The following SORCS3 variants were observed in gnomAD, a reference collection of about 807,000 sequenced individuals.
SORCS3 encodes VPS10 domain-containing receptor SorCS3.
Under a neutral mutation model 146.3 loss-of-function variants are expected in SORCS3, and 57 were observed. The observed-to-expected ratio is 0.39, with a 90% CI of 0.31 to 0.49. The LOEUF is 0.49. Among genes scored for constraint, SORCS3 ranks in the 20% least tolerant of loss-of-function variants. The pLI is 0.92. For missense variants in SORCS3, 1,341 were observed against 1,575.5 expected (o/e 0.85, Z 2.52); for synonymous variants, 653 against 618.5 (o/e 1.06, Z -0.83).
intron 7 of SORCS3, among the ~76,000 whole-genome samples, chr10:105,112,492 C>T (rs2055865020): frequency 6.6e-6 from 1 of 152,140 alleles, no homozygotes; most frequent in Admixed American, 6.6e-5. Context: ...AGAAAACCCA[C>T]AGACCAACAG....
At chr10:105,087,336 A>C (rs1302269032) in intron 5 of SORCS3, among the ~76,000 whole-genome samples, 1 of 152,190 alleles carries the variant, frequency 6.6e-6, no homozygotes, top group Non-Finnish European at 1.5e-5. Context: ...GTAGCCTTGT[A>C]GTATGGTTTG....
intron 5 of SORCS3, among the ~76,000 whole-genome samples, chr10:105,062,307 C>A (rs1012056903): frequency 1.3e-5 from 2 of 152,154 alleles, no homozygotes; most frequent in Admixed American, 1.3e-4. Flanking sequence ...GTTTAAACTG[C>A]TAATTAGCTG....
At chr10:105,119,406 G>A (rs1355930933) in intron 7 of SORCS3, among the ~76,000 whole-genome samples, 1 of 152,174 alleles carries the variant, frequency 6.6e-6, no homozygotes, top group Admixed American at 6.5e-5. Context: ...TGGGGTGCGA[G>A]CCTCCACATA....
chr10:105,077,268 C>T lies in SORCS3; in HGVS notation c.1029-12507C>T, dbSNP rs562290175. Reference sequence around the variant, plus strand: ...AGATGCACTCTAATATTTTCTATTCCAGTCTCTTCTATTTTATGAAACATT... The same window carrying T: ...AGATGCACTCTAATATTTTCTATTCTAGTCTCTTCTATTTTATGAAACATT... On this transcript the variant is annotated intron_variant, in intron 5 of 26. Transcript: ENST00000369701. Among the ~76,000 whole-genome samples the T allele has an allele frequency of 3.3e-5, 5 of 152,154 alleles. No individual in the cohort carries two copies. In the South Asian group the frequency reaches 6.2e-4, roughly 19 times the overall value.
chr10:104,803,601 C>T (rs1039568638), intron 1 of SORCS3, among the ~76,000 whole-genome samples: 2 of 152,138 alleles, frequency 1.3e-5, no homozygotes, highest in Admixed American at 6.6e-5. Flanking sequence ...TTCTATAATC[C>T]TGTGTGTTGC....
chr10:104,956,037 G>A (rs1006339136), intron 3 of SORCS3, among the ~76,000 whole-genome samples: 28 of 152,090 alleles, frequency 1.8e-4, no homozygotes, highest in African/African-American at 5.6e-4. Flanking sequence ...TAGGATTTAC[G>A]GGTATGGAGT....
chr10:104,749,229 GT>G (rs1564674746), intron 1 of SORCS3, among the ~76,000 whole-genome samples: 28 of 62,110 alleles, frequency 4.5e-4, no homozygotes, highest in African/African-American at 2.5e-3. Flanking sequence ...AGTATAGGGT[GT>G]GTGTGTGTGT....
chr10:104,784,285 A>T (rs1183782511), intron 1 of SORCS3, among the ~76,000 whole-genome samples: 1 of 152,074 alleles, frequency 6.6e-6, no homozygotes, highest in Non-Finnish European at 1.5e-5. Flanking sequence ...GTGGGGTGGG[A>T]GGGTGCTCCT....
chr10:104,681,884 G>A (rs188633411), intron 1 of SORCS3, among the ~76,000 whole-genome samples: 2 of 152,262 alleles, frequency 1.3e-5, no homozygotes, highest in East Asian at 3.9e-4. Context: ...TGGCCACCCA[G>A]TCTAATACTA....
chr10:105,044,035 C>T (rs1247240220), intron 5 of SORCS3, among the ~76,000 whole-genome samples: 1 of 151,846 alleles, frequency 6.6e-6, no homozygotes. Flanking sequence ...AAGAGGCATA[C>T]ACCAAAGTAT....
intron 1 of SORCS3, among the ~76,000 whole-genome samples, chr10:104,774,605 AAGAT>A (rs940523866): frequency 2.0e-5 from 3 of 152,228 alleles, no homozygotes; most frequent in Non-Finnish European, 2.9e-5. Context: ...CCTGACAAGA[AAGAT>A]AGATTTGACC....
intron 20 of SORCS3, among the ~76,000 whole-genome samples, chr10:105,232,813 G>C (rs189257127): frequency 6.6e-6 from 1 of 151,830 alleles, no homozygotes; most frequent in African/African-American, 2.4e-5. Context: ...TTTAATCTCC[G>C]TGTATTTTGG....
chr10:105,033,061 A>T (rs763619088), intron 4 of SORCS3, among the ~76,000 whole-genome samples: 20 of 152,344 alleles, frequency 1.3e-4, no homozygotes, highest in Non-Finnish European at 2.4e-4. Context: ...AGACAAAAGA[A>T]TGGACTTCAG....
chr10:104,972,083 A>G (rs1025556129), intron 3 of SORCS3, among the ~76,000 whole-genome samples: 2 of 152,200 alleles, frequency 1.3e-5, no homozygotes, highest in African/African-American at 4.8e-5. Flanking sequence ...ACTGTTAAGA[A>G]TGTACATTAT....
chr10:104,752,571 T>C (rs1016411001), intron 1 of SORCS3, among the ~76,000 whole-genome samples: 2 of 152,160 alleles, frequency 1.3e-5, no homozygotes, highest in African/African-American at 4.8e-5. Context: ...CACAGATATA[T>C]TTAGCCTCCC....
At chr10:105,261,366 T>G (rs1349157764) in intron 25 of SORCS3, among the ~76,000 whole-genome samples, 1 of 152,178 alleles carries the variant, frequency 6.6e-6, no homozygotes, top group African/African-American at 2.4e-5. Context: ...GTTGAAGAGC[T>G]GCTTCTATTA....
At chr10:105,254,461 C>T (rs142810147) in intron 23 of SORCS3, among the ~76,000 whole-genome samples, 20 of 152,316 alleles carry the variant, frequency 1.3e-4, no homozygotes, top group Middle Eastern at 3.4e-3. Context: ...CTCTCACTCT[C>T]CTCTCCAGAA....
At chr10:105,125,150 G>A (rs2055964334) in intron 7 of SORCS3, among the ~76,000 whole-genome samples, 2 of 152,158 alleles carry the variant, frequency 1.3e-5, no homozygotes, top group South Asian at 2.1e-4. Context: ...TTGATTGAAT[G>A]TAGCTATCCT....
intron 4 of SORCS3, among the ~76,000 whole-genome samples, chr10:104,990,847 G>A (rs907603084): frequency 1.3e-5 from 2 of 152,180 alleles, no homozygotes; most frequent in African/African-American, 4.8e-5. Context: ...CAGAAGGAAT[G>A]CAGTCTGGCT....
Sources: gnomAD v4.1 joint callset for allele counts (sites outside exome capture counted in the v4.1 genomes callset) on GRCh38, gnomAD v4.1.1 for gene constraint, MANE v1.5 for transcripts, NCBI Gene and HGNC (gene_info 2026-07-23, HGNC 2026-07-21) for gene names.